GGCT: variants seen among roughly 807,000 people sequenced by gnomAD.
The protein encoded by GGCT is cytochrome c-releasing factor 21.
GGCT carries 20 observed loss-of-function variants against 22.1 expected under a neutral mutation model. The observed-to-expected ratio is 0.91, with a 90% CI of 0.64 to 1.32. The LOEUF is 1.32. Among genes scored for constraint, GGCT ranks in the 40% most tolerant of loss-of-function variants. The pLI is 0.00. For synonymous variants in GGCT, 72 were observed against 78.4 expected (o/e 0.92, Z 0.43); for missense variants, 209 against 223.5 (o/e 0.94, Z 0.41).
rs1789786992 is a variant in GGCT at position 30,504,613 on chromosome 7, G to C, written c.97C>G (p.Leu33Val). The change falls in exon 1 of 4, where the codon CTC becomes GTC. Residue 33 changes from leucine (L) to valine (V), a missense_variant. Transcript: ENST00000275428. The part of the protein sequence containing the change: ...GSNLLTERIH[L>V]RNPSAAFFCV... Reference sequence around the variant, plus strand: ...AAGAACGCCGCCGAGGGGTTTCGGAGGTGGATCCTCTCTGTCAGCAGGTTG... The same window carrying C: ...AAGAACGCCGCCGAGGGGTTTCGGACGTGGATCCTCTCTGTCAGCAGGTTG... The C allele has an allele frequency of 6.2e-7, 1 of 1,614,002 alleles. No homozygotes were observed. Among genetic ancestry groups the C allele is most frequent in the Admixed American group, 1.7e-5 (1 of 60,012 alleles).
rs1487748307 is a variant in GGCT at position 30,496,900 on chromosome 7, C to T, written c.*192G>A. The T allele has an allele frequency of 2.5e-6, 1 of 403,688 alleles. No homozygotes were observed. Among genetic ancestry groups the T allele is most frequent in the Non-Finnish European group, 4.4e-6 (1 of 228,648 alleles). The allele number at this position is 403,688 out of a possible 1,614,324, so 25.0% of individuals were successfully genotyped here. ...ACATATTTCAGGCCCTCATACACCC[C>T]TTTTAAATTGTCTAACTCCTATCCC... On this transcript the variant is annotated 3_prime_UTR_variant, in exon 4 of 4. Coordinates refer to ENST00000275428, the MANE Select transcript of GGCT (RefSeq NM_024051.4).
chr7:30,497,332 G>T, intron 3 of GGCT, 97 bp from the exon 4 acceptor site: 2 of 809,704 alleles, frequency 2.5e-6, no homozygotes, highest in Non-Finnish European at 3.9e-6. Context: ...CTCAAAGTAT[G>T]AAGTATTAGC....
chr7:30,499,263 C>T (rs919283894), intron 2 of GGCT, among the ~76,000 whole-genome samples: 2 of 150,794 alleles, frequency 1.3e-5, no homozygotes, highest in Admixed American at 6.6e-5. Flanking sequence ...AAAAATTAGC[C>T]GGGCGTGGTG....
intron 3 of GGCT, chr7:30,497,878 G>A (rs1386912125): frequency 6.9e-7 from 1 of 1,446,792 alleles, no homozygotes. Flanking sequence ...GAAAGGCAGT[G>A]TGACGTTTCT....
intron 3 of GGCT, 183 bp from the exon 4 acceptor site, chr7:30,497,418 A>G (rs1297155448): frequency 7.1e-6 from 3 of 422,904 alleles, no homozygotes; most frequent in East Asian, 7.1e-5. Context: ...ATGAATGTGT[A>G]TGGAGTTTTC....
chr7:30,497,585 G>C, intron 3 of GGCT: 1 of 423,918 alleles, frequency 2.4e-6, no homozygotes, highest in Non-Finnish European at 4.1e-6. Flanking sequence ...ACAGAGAGCA[G>C]TTTCGGTTAC....
At chr7:30,502,154 C>G (rs1718280087) in intron 1 of GGCT, among the ~76,000 whole-genome samples, 1 of 152,188 alleles carries the variant, frequency 6.6e-6, no homozygotes, top group South Asian at 2.1e-4. Flanking sequence ...TCAGTCTAGG[C>G]CATGGGTGTC....
chr7:30,497,391 T>C (rs1789572411), intron 3 of GGCT, 156 bp from the exon 4 acceptor site: 1 of 541,398 alleles, frequency 1.8e-6, no homozygotes, highest in Non-Finnish European at 3.2e-6. Context: ...AATACCATCA[T>C]TCCTCTCACA....
In GGCT at chr7:30,497,592, T is replaced by A. The variant is rs150108331; in HGVS notation, c.424-357A>T. On this transcript the variant is annotated intron_variant, in intron 3 of 3. Transcript: ENST00000275428. ...TAAAGTTTACAGAGAGCAGTTTCGG[T>A]TACAACGCCAGAGGTTACCCTTGCT... is the stretch of plus-strand genomic sequence containing the variant. The A allele has an allele frequency of 4.6e-5, 20 of 435,664 alleles. No individual in the cohort carries two copies. The East Asian group carries it at 6.7e-4, about 15-fold the overall frequency. The allele number at this position is 435,664 out of a possible 1,614,324, so 27.0% of individuals were successfully genotyped here.
Position 30,500,684 on chromosome 7 carries a change from AC to A in GGCT, c.142-4del. 1 of 1,613,052 alleles carries A rather than the reference AC, an allele frequency of 6.2e-7. No individual in the cohort carries two copies. Among genetic ancestry groups the A allele is most frequent in the Non-Finnish European group, 8.5e-7 (1 of 1,179,450 alleles). On this transcript the variant is annotated splice_region_variant and splice_polypyrimidine_tract_variant and intron_variant, in intron 1 of 3. Coordinates refer to ENST00000275428, the MANE Select transcript of GGCT (RefSeq NM_024051.4). The stretch of plus-strand genomic sequence containing the variant: ...TTGCCAAAGTCAAGCTTAAAATCCT[AC>A]AAAGGAAATCAAAGTGATATGATCA...
chr7:30,501,941 C>A (rs1014510434), intron 1 of GGCT, among the ~76,000 whole-genome samples: 4 of 152,342 alleles, frequency 2.6e-5, no homozygotes, highest in Middle Eastern at 3.4e-3. Context: ...ATAAAAGTTA[C>A]AATTCACACT....
intron 1 of GGCT, among the ~76,000 whole-genome samples, chr7:30,504,180 C>G (rs1747268681): frequency 6.6e-6 from 1 of 152,220 alleles, no homozygotes; most frequent in Non-Finnish European, 1.5e-5. Flanking sequence ...TTTCACAATG[C>G]CAGGTGAGAA....
rs758080342 is a variant in GGCT, at chr7:30,497,120, A to C, written c.539T>G (p.Ile180Ser). 1 of 1,602,882 alleles carries C rather than the reference A, an allele frequency of 6.2e-7. No individual in the cohort carries two copies. The highest frequency in any genetic ancestry group is 8.5e-7 in the Non-Finnish European group (1 of 1,171,688). ...GKVSEEIEDI[I>S]KKGETQTL is the part of the protein sequence containing the mutation. ...AAGAGTTTGTGTTTCCCCCTTTTTG[A>C]TGATGTCTTCAATTTCTTCTGAGAC... Residue 180 changes from isoleucine (I) to serine (S), a missense_variant, in exon 4 of 4, where the codon ATC (isoleucine) becomes AGC (serine). Physicochemically the swap from Ile to Ser is moderately radical, Grantham distance 142. Transcript: ENST00000275428.
In GGCT at chr7:30,497,245, G is replaced by A; in HGVS notation, c.424-10C>T. The A allele has an allele frequency of 1.9e-6, 3 of 1,590,274 alleles. No individual in the cohort carries two copies. Among genetic ancestry groups the A allele is most frequent in the Admixed American group, 1.8e-5 (1 of 54,698 alleles). On this transcript the variant is annotated splice_polypyrimidine_tract_variant and intron_variant, in intron 3 of 3. Transcript: ENST00000275428. Reference sequence around the variant, plus strand: ...CACCCATGCAAATAATCTGGAAATGGTTAAAACAAACAGACAAAAAAACCC... The same window carrying A: ...CACCCATGCAAATAATCTGGAAATGATTAAAACAAACAGACAAAAAAACCC...
intron 2 of GGCT, 53 bp downstream of exon 2, chr7:30,500,483 C>T: frequency 6.9e-7 from 1 of 1,448,356 alleles, no homozygotes; most frequent in Non-Finnish European, 9.7e-7. Flanking sequence ...TCCTCACATA[C>T]AATCTGCTTT....
intron 1 of GGCT, among the ~76,000 whole-genome samples, chr7:30,503,181 G>A (rs1419646347): frequency 6.6e-6 from 1 of 152,198 alleles, no homozygotes; most frequent in African/African-American, 2.4e-5. Context: ...GTTAGGTCAG[G>A]TACCCTGGTC....
rs570971980 is a variant in GGCT at position 30,496,781 on chromosome 7, A to C, written c.*311T>G. The C allele has an allele frequency of 8.2e-5, 15 of 183,260 alleles. No individual in the cohort carries two copies. Among genetic ancestry groups the C allele is most frequent in the African/African-American group, 3.5e-4 (15 of 42,848 alleles). 11.4% of individuals were successfully genotyped at this position (183,260 alleles called of 1,614,324 possible). On this transcript the variant is annotated 3_prime_UTR_variant, in exon 4 of 4. Transcript: ENST00000275428. ...CCAGCACCATCATCAAGTGAGCTAC[A>C]AATCTATCTTTTACCAGAGCAAGGA...
chr7:30,497,998 TACAA>T, intron 3 of GGCT: 1 of 298,424 alleles, frequency 3.4e-6, no homozygotes, highest in East Asian at 4.6e-5. Flanking sequence ...AGAAAAACAT[TACAA>T]AAGCATATAT....
chr7:30,498,194 G>T (rs1448440299), intron 3 of GGCT, among the ~76,000 whole-genome samples: 1 of 150,100 alleles, frequency 6.7e-6, no homozygotes, highest in Non-Finnish European at 1.5e-5. Flanking sequence ...AAGAAAGAAA[G>T]AAAGAGAGAA....
Sources: gnomAD v4.1 joint callset for allele counts (sites outside exome capture counted in the v4.1 genomes callset) on GRCh38, gnomAD v4.1.1 for gene constraint, MANE v1.5 for transcripts, NCBI Gene and HGNC (gene_info 2026-07-23, HGNC 2026-07-21) for gene names.